FUT9: variants seen among roughly 807,000 people sequenced by gnomAD.
FUT9 encodes the protein fucosyltransferase 9, also known as 4-galactosyl-N-acetylglucosaminide 3-alpha-L-fucosyltransferase 9.
A neutral mutation model predicts 29.7 loss-of-function variants in FUT9; 15 were observed. That is an observed-to-expected ratio of 0.51 (90% CI 0.34 to 0.78). The LOEUF (loss-of-function observed/expected upper bound fraction) is 0.78. Among genes scored for constraint, FUT9 ranks in the 30% least tolerant of loss-of-function variants. FUT9 has a pLI of 0.01. For synonymous variants in FUT9, 169 were observed against 153.7 expected, an observed-to-expected ratio of 1.10 and a Z score of -0.74; for missense variants, 319 against 425.4, an observed-to-expected ratio of 0.75 and a Z score of 2.20.
intron 1 of FUT9, among the ~76,000 whole-genome samples, chr6:96,060,543 CTT>C (rs1002402128): frequency 6.7e-6 from 1 of 149,258 alleles, no homozygotes; most frequent in Non-Finnish European, 1.5e-5. Flanking sequence ...TTCTCTCTCT[CTT>C]TTTTTTTTTG....
In FUT9 at chr6:96,039,074, CT is replaced by C. The variant is rs543231288; in HGVS notation, c.-98+22863del. 1.7e-3 allele frequency among the ~76,000 whole-genome samples: 266 copies of C among 152,230 alleles called. 2 individuals are homozygous for C. Among genetic ancestry groups the C allele is most frequent in the Non-Finnish European group, 3.3e-3 (223 of 68,028 alleles). On this transcript the variant is annotated intron_variant, in intron 1 of 2. Transcript: ENST00000302103. The stretch of plus-strand genomic sequence containing the variant: ...TATGTTAGTGAACCTGCCCTTCTTT[CT>C]GCATTGAATAATCTCTAAGAGTAGA...
At chr6:96,163,734 GT>G (rs2127980771) in intron 2 of FUT9, among the ~76,000 whole-genome samples, 1 of 152,236 alleles carries the variant, frequency 6.6e-6, no homozygotes, top group South Asian at 2.1e-4. Context: ...TTTGGCTGAA[GT>G]TTCTCTTTTA....
chr6:96,025,352 C>A (rs560822516), intron 1 of FUT9, among the ~76,000 whole-genome samples: 1 of 151,824 alleles, frequency 6.6e-6, no homozygotes, highest in South Asian at 2.1e-4. Context: ...CTTGCAATGA[C>A]CTCCTTGATT....
chr6:96,080,882 T>C (rs1342789154), intron 1 of FUT9, among the ~76,000 whole-genome samples: 1 of 151,998 alleles, frequency 6.6e-6, no homozygotes, highest in Non-Finnish European at 1.5e-5. Context: ...TCTTATTTCA[T>C]TGGTAAACAT....
intron 1 of FUT9, among the ~76,000 whole-genome samples, chr6:96,041,767 C>T (rs2127933002): frequency 6.6e-6 from 1 of 152,316 alleles, no homozygotes; most frequent in Non-Finnish European, 1.5e-5. Flanking sequence ...GATATATCTA[C>T]AGTCACCATT....
At position 96,206,518 on chromosome 6, in the gene FUT9, A is replaced by AGTG. The variant is rs1238194641; in HGVS notation, c.*2287_*2289dup. On this transcript the variant is annotated 3_prime_UTR_variant, in exon 3 of 3. Coordinates refer to ENST00000302103, the MANE Select transcript of FUT9 (RefSeq NM_006581.4). ...TGCTCTGTCGCCCAGGCCGGAGTGCAGTGGTGCAGTCTCGGCTCACTGCAA... is the reference window on the plus strand; with the variant it reads ...TGCTCTGTCGCCCAGGCCGGAGTGCAGTGGTGGTGCAGTCTCGGCTCACTGCAA... 1 of 166,788 alleles carries AGTG rather than the reference A, an allele frequency of 6.0e-6. No individual in the cohort carries two copies. The highest frequency in any genetic ancestry group is 1.5e-5 in the Non-Finnish European group (1 of 68,170). 10.3% of individuals were successfully genotyped at this position (166,788 alleles called of 1,614,324 possible). A position where few individuals can be genotyped will look rare whatever the true frequency, so the allele number is the denominator to read the frequency against.
intron 2 of FUT9, among the ~76,000 whole-genome samples, chr6:96,182,624 G>A (rs759847761): frequency 6.6e-6 from 1 of 151,518 alleles, no homozygotes; most frequent in East Asian, 1.9e-4. Context: ...TGTATAGCAA[G>A]AGATGAGGAT....
At chr6:96,064,185 G>C (rs1224483270) in intron 1 of FUT9, among the ~76,000 whole-genome samples, 1 of 152,086 alleles carries the variant, frequency 6.6e-6, no homozygotes, top group Non-Finnish European at 1.5e-5. Context: ...GGCTTTCTGT[G>C]ATAAAGAACT....
chr6:96,101,077 A>C (rs1301239179), intron 1 of FUT9, among the ~76,000 whole-genome samples: 1 of 152,236 alleles, frequency 6.6e-6, no homozygotes, highest in East Asian at 1.9e-4. Context: ...ACTACTACTT[A>C]ATATTTTTAA....
chr6:96,160,359 G>A (rs924172818), intron 2 of FUT9, among the ~76,000 whole-genome samples: 2 of 152,262 alleles, frequency 1.3e-5, no homozygotes, highest in South Asian at 4.1e-4. Context: ...CCACAGTTAT[G>A]CTGCCCGAGT....
chr6:96,123,422 G>C (rs536568436), intron 2 of FUT9, among the ~76,000 whole-genome samples: 1 of 152,294 alleles, frequency 6.6e-6, no homozygotes, highest in South Asian at 2.1e-4. Flanking sequence ...TTGAGGAAGA[G>C]TGTAATTCAG....
intron 1 of FUT9, among the ~76,000 whole-genome samples, chr6:96,020,466 A>G (rs1010769630): frequency 2.0e-5 from 3 of 152,076 alleles, no homozygotes; most frequent in African/African-American, 7.2e-5. Context: ...TGGTCAGGGA[A>G]GGTAAATTTG....
At chr6:96,144,621 T>A (rs969239393) in intron 2 of FUT9, among the ~76,000 whole-genome samples, 1 of 152,220 alleles carries the variant, frequency 6.6e-6, no homozygotes, top group Non-Finnish European at 1.5e-5. Context: ...TGATTTCAGC[T>A]ATTAAGATTC....
At chr6:96,055,069 C>A (rs9498880) in intron 1 of FUT9, among the ~76,000 whole-genome samples, 1 of 151,858 alleles carries the variant, frequency 6.6e-6, no homozygotes, top group Non-Finnish European at 1.5e-5. Flanking sequence ...AGGAAAAATA[C>A]GAAGATATTG....
chr6:96,111,302 A>T (rs1771801930), intron 1 of FUT9, among the ~76,000 whole-genome samples: 1 of 152,130 alleles, frequency 6.6e-6, no homozygotes, highest in African/African-American at 2.4e-5. Context: ...AGGCAGAAAG[A>T]CATGTAGAAA....
intron 1 of FUT9, among the ~76,000 whole-genome samples, chr6:96,070,220 C>A (rs921296772): frequency 6.6e-6 from 1 of 152,206 alleles, no homozygotes; most frequent in South Asian, 2.1e-4. Flanking sequence ...TGTTTACATT[C>A]TTTGTCCCAG....
chr6:96,126,364 A>C (rs113788294), intron 2 of FUT9, among the ~76,000 whole-genome samples: 88 of 152,264 alleles, frequency 5.8e-4, no homozygotes, highest in Middle Eastern at 3.4e-3. Flanking sequence ...TTAAACAACC[A>C]GCTCTAGAGC....
At chr6:96,199,558 A>G (rs1773691937) in intron 2 of FUT9, among the ~76,000 whole-genome samples, 1 of 152,138 alleles carries the variant, frequency 6.6e-6, no homozygotes, top group Non-Finnish European at 1.5e-5. Context: ...AATGAGAGAG[A>G]GAGAGAGACT....
At chr6:96,167,923 G>T (rs917029239) in intron 2 of FUT9, among the ~76,000 whole-genome samples, 1 of 152,040 alleles carries the variant, frequency 6.6e-6, no homozygotes, top group African/African-American at 2.4e-5. Context: ...ATGAAGAAGA[G>T]GTCAGAGAAG....
Sources: allele counts gnomAD v4.1 joint callset (sites outside exome capture counted in the v4.1 genomes callset), GRCh38; gene constraint gnomAD v4.1.1; transcripts MANE v1.5; gene names NCBI Gene and HGNC (gene_info 2026-07-23, HGNC 2026-07-21).